Variants in TPMT observed in about 807,000 individuals in gnomAD.
The protein encoded by TPMT is S-adenosyl-L-methionine:thiopurine S-methyltransferase.
TPMT carries 18 observed loss-of-function variants against 34.2 expected under a neutral mutation model. The observed-to-expected ratio is 0.53, with a 90% CI of 0.36 to 0.78. The LOEUF is 0.78. TPMT is among the 30% of genes least tolerant of loss of function. The pLI is 0.00. For synonymous variants in TPMT, 69 were observed against 92.4 expected (o/e 0.75, Z 1.45); for missense variants, 265 against 288.1 (o/e 0.92, Z 0.58).
In TPMT at chr6:18,149,336, C is replaced by G. The variant is rs956747683; in HGVS notation, c.-44-165G>C. ...GATGGAGTCTCACTCTGTCTCCCAG[C>G]CTGGGGTACAGTAGTGTGATCTTGG... On this transcript the variant is annotated intron_variant, in intron 1 of 8. Coordinates refer to ENST00000309983, the MANE Select transcript of TPMT (RefSeq NM_000367.5). This position sits in a 1 kb window ranked among gnomAD's most constrained non-coding sequence, Gnocchi z 5.0. Among the ~76,000 whole-genome samples the G allele has an allele frequency of 4.6e-5, 7 of 152,124 alleles. No homozygotes were observed. The highest frequency in any genetic ancestry group is 1.7e-4 in the African/African-American group (7 of 41,418).
rs781230303 is a variant in TPMT at position 18,147,930 on chromosome 6, A to T, written c.141-15T>A. The T allele has an allele frequency of 6.2e-7, 1 of 1,608,776 alleles. No homozygotes were observed. The highest frequency in any genetic ancestry group is 8.5e-7 in the Non-Finnish European group (1 of 1,175,774). On this transcript the variant is annotated splice_polypyrimidine_tract_variant and intron_variant, in intron 2 of 8. Coordinates refer to ENST00000309983, the MANE Select transcript of TPMT (RefSeq NM_000367.5). The stretch of plus-strand genomic sequence containing the variant: ...TCTTTAATAGCCTGAAGAGGAAAAA[A>T]AAAAAGGTTTTAGGACAATTGTATG...
At position 18,140,088 on chromosome 6, in the gene TPMT, G is replaced by A. The variant is rs1364970847; in HGVS notation, c.367-371C>T. On this transcript the variant is annotated intron_variant, in intron 4 of 8. Transcript: ENST00000309983. The surrounding 1 kb of genome is among the most constrained non-coding windows in gnomAD (Gnocchi z 4.7). ...CAGGCAGGGTGGTACTGAAAAGTCA[G>A]GTATTTTAAGTTATTCCAGAAATGT... is the stretch of plus-strand genomic sequence containing the variant. 6.6e-6 allele frequency among the ~76,000 whole-genome samples: 1 copy of A among 152,130 alleles called. No individual in the cohort carries two copies. Among genetic ancestry groups the A allele is most frequent in the Non-Finnish European group, 1.5e-5 (1 of 68,024 alleles).
rs930122714 is a variant in TPMT at position 18,135,938 on chromosome 6, C to T, written c.495-2049G>A. ...TCGCCCTTGCTCAGAGTGCAGTTCA[C>T]TTCTTCCATTCATTTATTTAAACAA... On this transcript the variant is annotated intron_variant, in intron 6 of 8. Transcript: ENST00000309983. This position sits in a 1 kb window ranked among gnomAD's most constrained non-coding sequence, Gnocchi z 5.0. Among the ~76,000 whole-genome samples, 11 of 152,138 alleles carry T rather than the reference C, an allele frequency of 7.2e-5. No individual in the cohort carries two copies. The highest frequency in any genetic ancestry group is 5.9e-5 in the Non-Finnish European group (4 of 68,032).
At position 18,133,867 on chromosome 6, in the gene TPMT, G is replaced by A; in HGVS notation, c.517C>T (p.Leu173Phe). 1 of 1,613,488 alleles carries A rather than the reference G, an allele frequency of 6.2e-7. No homozygotes were observed. Among genetic ancestry groups the A allele is most frequent in the Non-Finnish European group, 8.5e-7 (1 of 1,179,796 alleles). The change falls in exon 7 of 9, where the codon CTC becomes TTC. Residue 173 changes from leucine (L) to phenylalanine (F), a missense_variant. Physicochemically the swap from Leu to Phe is conservative, Grantham distance 22 (BLOSUM62 0). Transcript: ENST00000309983. ...RKCYADTMFS[L>F]LGKKFQYLLC... Reference sequence around the variant, plus strand: ...AGATACTGAAACTTCTTTCCCAGGAGGGAAAACATTGTATCTGCATAGCTA... The same window carrying A: ...AGATACTGAAACTTCTTTCCCAGGAAGGAAAACATTGTATCTGCATAGCTA...
In TPMT at chr6:18,153,010, C is replaced by G. The variant is rs763252665; in HGVS notation, c.-45+2023G>C. Among the ~76,000 whole-genome samples the G allele has an allele frequency of 2.0e-5, 3 of 152,094 alleles. No homozygotes were observed. The East Asian group carries it at 5.8e-4, about 29-fold the overall frequency. ...CTCCATCCTGTGATTGTGGTAACAC[C>G]GCCATTTTTTGTGCATGGTACCCAT... On this transcript the variant is annotated intron_variant, in intron 1 of 8. Transcript: ENST00000309983. This position sits in a 1 kb window ranked among gnomAD's most constrained non-coding sequence, Gnocchi z 4.2.
Position 18,139,152 on chromosome 6 carries a change from C to T in TPMT, c.420-115G>A. On this transcript the variant is annotated intron_variant, in intron 5 of 8. Transcript: ENST00000309983. This position sits in a 1 kb window ranked among gnomAD's most constrained non-coding sequence, Gnocchi z 4.2. ...AACAATCGTCAAGGTATTAGGATCT[C>T]ACGTCTGCGTTTCCTCCTAGAGGAA... The T allele has an allele frequency of 1.0e-6, 1 of 955,016 alleles. No homozygotes were observed. Among genetic ancestry groups the T allele is most frequent in the South Asian group, 1.3e-5 (1 of 76,448 alleles). 59.2% of individuals were successfully genotyped at this position (955,016 alleles called of 1,614,324 possible).
In TPMT at chr6:18,148,844, G is replaced by T; in HGVS notation, c.140+144C>A. On this transcript the variant is annotated intron_variant, in intron 2 of 8. Coordinates refer to ENST00000309983, the MANE Select transcript of TPMT (RefSeq NM_000367.5). The surrounding 1 kb of genome is among the most constrained non-coding windows in gnomAD (Gnocchi z 4.1). The stretch of plus-strand genomic sequence containing the variant: ...AATTAAACTACATCATGCCACAGAT[G>T]CACTGTGACTCGGGAGACACAAAAA... 9.0e-7 allele frequency: 1 copy of T among 1,114,146 alleles called. No homozygotes were observed. The highest frequency in any genetic ancestry group is 1.3e-6 in the Non-Finnish European group (1 of 751,478). 69.0% of individuals were successfully genotyped at this position (1,114,146 alleles called of 1,614,324 possible).
At chr6:18,152,298 T>G (rs1234565596) in intron 1 of TPMT, among the ~76,000 whole-genome samples, 2 of 152,156 alleles carry the variant, frequency 1.3e-5, no homozygotes, top group African/African-American at 4.8e-5. Context: ...TTCCAAAATT[T>G]TACTAATTTT....
In TPMT at chr6:18,146,569, A is replaced by G. The variant is rs1164482433; in HGVS notation, c.233+1254T>C. 6.6e-6 allele frequency among the ~76,000 whole-genome samples: 1 copy of G among 151,998 alleles called. No homozygotes were observed. Among genetic ancestry groups the G allele is most frequent in the East Asian group, 1.9e-4 (1 of 5,186 alleles). ...CACATTTAATTGGCTATTTCATACC[A>G]TTTTCCTAATGTTGCCTCAGAACCT... is the stretch of plus-strand genomic sequence containing the variant. On this transcript the variant is annotated intron_variant, in intron 3 of 8. Coordinates refer to ENST00000309983, the MANE Select transcript of TPMT (RefSeq NM_000367.5). This position sits in a 1 kb window ranked among gnomAD's most constrained non-coding sequence, Gnocchi z 6.2.
chr6:18,129,271 T>G lies in TPMT; in HGVS notation c.*1397A>C, dbSNP rs968523050. 1 of 152,106 alleles carries G rather than the reference T, an allele frequency of 6.6e-6. No individual in the cohort carries two copies. Among genetic ancestry groups the G allele is most frequent in the African/African-American group, 2.4e-5 (1 of 41,408 alleles). The allele number at this position is 152,106 out of a possible 1,614,324, so 9.4% of individuals were successfully genotyped here. On this transcript the variant is annotated 3_prime_UTR_variant, in exon 9 of 9. Transcript: ENST00000309983. ...CTTCAAATTAATAGCCTTACAAATC[T>G]ATTAGAATACATCGATGGCAGAGAG...
At position 18,146,971 on chromosome 6, in the gene TPMT, A is replaced by T. The variant is rs1784257677; in HGVS notation, c.233+852T>A. Among the ~76,000 whole-genome samples the T allele has an allele frequency of 6.6e-6, 1 of 152,072 alleles. No homozygotes were observed. Among genetic ancestry groups the T allele is most frequent in the Non-Finnish European group, 1.5e-5 (1 of 68,012 alleles). ...TTTATTAATATTTTATTTTAAATTT[A>T]TTTTTTGAGGCAGGGTCTATGTTGT... is the stretch of plus-strand genomic sequence containing the variant. On this transcript the variant is annotated intron_variant, in intron 3 of 8. Transcript: ENST00000309983. This position sits in a 1 kb window ranked among gnomAD's most constrained non-coding sequence, Gnocchi z 6.2.
chr6:18,142,528 A>C (rs1201067328), intron 4 of TPMT, among the ~76,000 whole-genome samples: 1 of 151,870 alleles, frequency 6.6e-6, no homozygotes, highest in Non-Finnish European at 1.5e-5. Context: ...ACTTTTGTCC[A>C]CTTTTAAGCT....
rs191893200 is a variant in TPMT at position 18,131,655 on chromosome 6, A to G, written c.625+478T>C. Among the ~76,000 whole-genome samples the G allele has an allele frequency of 2.6e-3, 391 of 152,352 alleles. No homozygotes were observed. Among genetic ancestry groups the G allele is most frequent in the African/African-American group, 8.8e-3 (367 of 41,582 alleles). On this transcript the variant is annotated intron_variant, in intron 8 of 8. Transcript: ENST00000309983. The surrounding 1 kb of genome is among the most constrained non-coding windows in gnomAD (Gnocchi z 4.3). ...ATACCTTTAACATAGAGCATATAGCATATATACAGAGCATATTTACAGAGA... is the reference window on the plus strand; with the variant it reads ...ATACCTTTAACATAGAGCATATAGCGTATATACAGAGCATATTTACAGAGA...
intron 1 of TPMT, among the ~76,000 whole-genome samples, chr6:18,152,846 C>T (rs1232333404): frequency 1.3e-5 from 2 of 152,136 alleles, no homozygotes; most frequent in Non-Finnish European, 2.9e-5. Flanking sequence ...TGATATCAAC[C>T]AACCCCCTGA....
chr6:18,153,545 C>T lies in TPMT; in HGVS notation c.-45+1488G>A, dbSNP rs919434240. Among the ~76,000 whole-genome samples, 4 of 152,100 alleles carry T rather than the reference C, an allele frequency of 2.6e-5. No individual in the cohort carries two copies. The highest frequency in any genetic ancestry group is 5.9e-5 in the Non-Finnish European group (4 of 68,024). ...TTTCCCCTTTTGTTGCCAAATTTGG[C>T]CTCAGTATGCTTAGGATATAGGGAG... On this transcript the variant is annotated intron_variant, in intron 1 of 8. Transcript: ENST00000309983. This position sits in a 1 kb window ranked among gnomAD's most constrained non-coding sequence, Gnocchi z 4.2.
rs1784386698 is a variant in TPMT at position 18,153,197 on chromosome 6, C to T, written c.-45+1836G>A. On this transcript the variant is annotated intron_variant, in intron 1 of 8. Transcript: ENST00000309983. The surrounding 1 kb of genome is among the most constrained non-coding windows in gnomAD (Gnocchi z 4.2). ...GTTTCTGGCTTCTGGCCTGCGGCTA[C>T]ACTTCTCAGCCAGTCAGAATGGCTG... is the stretch of plus-strand genomic sequence containing the variant. 6.6e-6 allele frequency among the ~76,000 whole-genome samples: 1 copy of T among 152,220 alleles called. No individual in the cohort carries two copies. Among genetic ancestry groups the T allele is most frequent in the Non-Finnish European group, 1.5e-5 (1 of 68,054 alleles).
rs915851617 is a variant in TPMT, at chr6:18,136,680, C to A, written c.494+2283G>T. On this transcript the variant is annotated intron_variant, in intron 6 of 8. Transcript: ENST00000309983. This position sits in a 1 kb window ranked among gnomAD's most constrained non-coding sequence, Gnocchi z 4.7. Reference sequence around the variant, plus strand: ...AAAAAATTAGCCGGGTGTGGTGGAGCATGCCTATAATCCCAGCTACCTGGG... The same window carrying A: ...AAAAAATTAGCCGGGTGTGGTGGAGAATGCCTATAATCCCAGCTACCTGGG... 6.6e-6 allele frequency among the ~76,000 whole-genome samples: 1 copy of A among 152,156 alleles called. No individual in the cohort carries two copies. Among genetic ancestry groups the A allele is most frequent in the African/African-American group, 2.4e-5 (1 of 41,450 alleles).
At position 18,135,354 on chromosome 6, in the gene TPMT, C is replaced by T. The variant is rs939659282; in HGVS notation, c.495-1465G>A. Reference sequence around the variant, plus strand: ...AGAATGTGAAGTTTTTCTCTCTCAACCAGTCTCAAAAAGTCCAGAAAAATG... The same window carrying T: ...AGAATGTGAAGTTTTTCTCTCTCAATCAGTCTCAAAAAGTCCAGAAAAATG... On this transcript the variant is annotated intron_variant, in intron 6 of 8. Coordinates refer to ENST00000309983, the MANE Select transcript of TPMT (RefSeq NM_000367.5). This position sits in a 1 kb window ranked among gnomAD's most constrained non-coding sequence, Gnocchi z 5.0. 3.9e-5 allele frequency among the ~76,000 whole-genome samples: 6 copies of T among 152,134 alleles called. No homozygotes were observed. The highest frequency in any genetic ancestry group is 1.4e-4 in the African/African-American group (6 of 41,436).
At chr6:18,134,270 T>G (rs1784001765) in intron 6 of TPMT, among the ~76,000 whole-genome samples, 1 of 152,200 alleles carries the variant, frequency 6.6e-6, no homozygotes, top group African/African-American at 2.4e-5. Context: ...TCAAAATCAC[T>G]GGGGTGCTTG....
Sources: gnomAD v4.1 joint callset for allele counts (sites outside exome capture counted in the v4.1 genomes callset) on GRCh38, gnomAD v4.1.1 for gene constraint, Gnocchi (gnomAD v3.1) non-coding constraint, MANE v1.5 for transcripts, NCBI Gene and HGNC (gene_info 2026-07-23, HGNC 2026-07-21) for gene names.